The following PACRG variants were observed in gnomAD, a reference collection of about 807,000 sequenced individuals.
The protein encoded by PACRG is parkin coregulated.
In PACRG, 29 loss-of-function variants were observed where a neutral mutation model predicts 29.7. The observed-to-expected ratio is 0.98, with a 90% CI of 0.73 to 1.33. PACRG has a LOEUF of 1.33. Ranked by LOEUF, PACRG falls within the 40% of genes most tolerant of loss-of-function variation. PACRG has a pLI of 0.00. For missense variants in PACRG, 279 were observed against 316.2 expected (o/e 0.88, Z 0.89); for synonymous variants, 116 against 118.7 (o/e 0.98, Z 0.15).
chr6:163,271,016 G>A (rs1426200965), intron 4 of PACRG, among the ~76,000 whole-genome samples: 1 of 152,122 alleles, frequency 6.6e-6, no homozygotes, highest in East Asian at 1.9e-4. Flanking sequence ...AAGCTGAAGA[G>A]CAAGGAAGCC....
chr6:163,156,277 T>G (rs1778311885), intron 4 of PACRG, among the ~76,000 whole-genome samples: 3 of 152,180 alleles, frequency 2.0e-5, no homozygotes, highest in African/African-American at 7.2e-5. Flanking sequence ...CCTAAAAGCC[T>G]CAAGATCACT....
intron 2 of PACRG, among the ~76,000 whole-genome samples, chr6:163,014,785 C>A (rs1008810486): frequency 6.6e-6 from 1 of 152,052 alleles, no homozygotes; most frequent in Non-Finnish European, 1.5e-5. Flanking sequence ...ATATCTTCTT[C>A]CATTCTGTAG....
intron 2 of PACRG, among the ~76,000 whole-genome samples, chr6:162,976,977 AC>A (rs1802013243): frequency 6.6e-6 from 1 of 152,234 alleles, no homozygotes; most frequent in African/African-American, 2.4e-5. Context: ...GTAAAATACC[AC>A]AAAAATAACA....
At chr6:162,735,715 T>C (rs962730702) in intron 1 of PACRG, among the ~76,000 whole-genome samples, 2 of 152,196 alleles carry the variant, frequency 1.3e-5, no homozygotes, top group Non-Finnish European at 2.9e-5. Flanking sequence ...CCATTCTCAA[T>C]AATGGCTTTT....
chr6:163,299,471 T>C (rs1488732657), intron 4 of PACRG, among the ~76,000 whole-genome samples: 2 of 151,780 alleles, frequency 1.3e-5, no homozygotes, highest in African/African-American at 4.8e-5. Flanking sequence ...GAGGACGGAG[T>C]TGGCGTCCTC....
chr6:162,982,248 C>T (rs56318012), intron 2 of PACRG, among the ~76,000 whole-genome samples: 8,981 of 151,900 alleles, frequency 0.059, 642 homozygotes, highest in African/African-American at 0.17. Context: ...AAAGAACCAG[C>T]TTTTTGTTTC....
At chr6:162,943,609 G>T (rs553571905) in intron 2 of PACRG, among the ~76,000 whole-genome samples, 2 of 152,104 alleles carry the variant, frequency 1.3e-5, no homozygotes, top group African/African-American at 4.8e-5. Context: ...CACAGCCAGT[G>T]CCTGCAGGCA....
At chr6:162,749,036 T>A (rs1023480321) in intron 1 of PACRG, among the ~76,000 whole-genome samples, 13 of 152,232 alleles carry the variant, frequency 8.5e-5, no homozygotes, top group African/African-American at 2.7e-4. Flanking sequence ...TTATACAGGA[T>A]GTATTTTCTA....
chr6:163,040,257 G>T (rs1182893386), intron 2 of PACRG, among the ~76,000 whole-genome samples: 1 of 152,226 alleles, frequency 6.6e-6, no homozygotes, highest in Non-Finnish European at 1.5e-5. Flanking sequence ...GTGCACAGAA[G>T]ACAAGAGTTG....
At chr6:162,983,081 T>G (rs1392238851) in intron 2 of PACRG, among the ~76,000 whole-genome samples, 1 of 152,036 alleles carries the variant, frequency 6.6e-6, no homozygotes, top group Admixed American at 6.6e-5. Context: ...TTTTTAACTG[T>G]TGTTGCCTTA....
intron 4 of PACRG, among the ~76,000 whole-genome samples, chr6:163,225,281 T>C (rs1313741939): frequency 5.9e-5 from 9 of 152,232 alleles, no homozygotes; most frequent in African/African-American, 2.2e-4. Flanking sequence ...GGGAGAGACC[T>C]GGTGGGAGGT....
At chr6:162,954,862 C>T (rs1286221152) in intron 2 of PACRG, among the ~76,000 whole-genome samples, 4 of 152,188 alleles carry the variant, frequency 2.6e-5, no homozygotes, top group Non-Finnish European at 5.9e-5. Flanking sequence ...TTGATTATTC[C>T]TGTCAGCTGG....
intron 2 of PACRG, among the ~76,000 whole-genome samples, chr6:163,044,048 G>A (rs1809045179): frequency 1.3e-5 from 2 of 152,162 alleles, no homozygotes; most frequent in Admixed American, 1.3e-4. Context: ...AACAGGAAGA[G>A]GAAGACCTGG....
chr6:162,785,314 A>T (rs1173627403), intron 1 of PACRG, among the ~76,000 whole-genome samples: 1 of 152,320 alleles, frequency 6.6e-6, no homozygotes, highest in South Asian at 2.1e-4. Context: ...AAAGAAATAG[A>T]TAAGTCTGCA....
intron 2 of PACRG, among the ~76,000 whole-genome samples, chr6:162,819,098 C>T (rs900729458): frequency 2.6e-5 from 4 of 152,106 alleles, no homozygotes; most frequent in African/African-American, 9.7e-5. Context: ...CTTGTTTTTT[C>T]TTCTTTGACA....
intron 4 of PACRG, among the ~76,000 whole-genome samples, chr6:163,211,275 G>A (rs924749306): frequency 1.3e-5 from 2 of 152,098 alleles, no homozygotes; most frequent in African/African-American, 4.8e-5. Flanking sequence ...ATAATCCTGT[G>A]TACTATTCCA....
At chr6:162,909,734 A>G (rs1796180568) in intron 2 of PACRG, among the ~76,000 whole-genome samples, 1 of 152,026 alleles carries the variant, frequency 6.6e-6, no homozygotes, top group Admixed American at 6.6e-5. Flanking sequence ...TGGTGGGGTT[A>G]TTGGCCATTA....
intron 2 of PACRG, among the ~76,000 whole-genome samples, chr6:162,837,813 A>G (rs1584498087): frequency 6.6e-6 from 1 of 152,170 alleles, no homozygotes; most frequent in East Asian, 1.9e-4. Flanking sequence ...AAGGAAAGGT[A>G]AACAGTCATC....
At chr6:163,099,844 A>C (rs935820557) in intron 4 of PACRG, among the ~76,000 whole-genome samples, 1 of 152,100 alleles carries the variant, frequency 6.6e-6, no homozygotes, top group Non-Finnish European at 1.5e-5. Flanking sequence ...AGTGAGGGTG[A>C]GTAAATTGTT....
Sources: gnomAD v4.1 joint callset for allele counts (sites outside exome capture counted in the v4.1 genomes callset) on GRCh38, gnomAD v4.1.1 for gene constraint, MANE v1.5 for transcripts, NCBI Gene and HGNC (gene_info 2026-07-23, HGNC 2026-07-21) for gene names.